The following BLMH variants were observed in gnomAD, a reference collection of about 807,000 sequenced individuals.
The protein encoded by BLMH is BLM hydrolase.
BLMH carries 32 observed loss-of-function variants against 61.6 expected under a neutral mutation model. That is an observed-to-expected ratio of 0.52 (90% CI 0.39 to 0.70). BLMH has a LOEUF of 0.70. Ranked by LOEUF, BLMH falls within the 30% of genes least tolerant of loss-of-function variation. The pLI, the probability that BLMH is intolerant of heterozygous loss-of-function variation, is 0.00. For synonymous variants in BLMH, 183 were observed against 193.8 expected (o/e 0.94, Z 0.46); for missense variants, 460 against 555.5 (o/e 0.83, Z 1.73).
At chr17:30,271,249 G>A in intron 10 of BLMH, 22 bp downstream of exon 10, 1 of 1,521,592 alleles carries the variant, frequency 6.6e-7, no homozygotes. Flanking sequence ...AAACACTCCA[G>A]CAGGCATGCT....
intron 6 of BLMH, among the ~76,000 whole-genome samples, chr17:30,276,205 C>T (rs1273020532): frequency 1.3e-5 from 2 of 152,136 alleles, no homozygotes; most frequent in African/African-American, 2.4e-5. Flanking sequence ...ATGTACTGAC[C>T]GTCTACTTTG....
At chr17:30,262,656 G>A (rs1043828031) in intron 11 of BLMH, among the ~76,000 whole-genome samples, 3 of 152,104 alleles carry the variant, frequency 2.0e-5, no homozygotes, top group Non-Finnish European at 4.4e-5. Flanking sequence ...TTAGCCAGGC[G>A]TGGTGGGGAG....
At chr17:30,249,825 C>T (rs1014511472) in intron 11 of BLMH, 12 of 152,428 alleles carry the variant, frequency 7.9e-5, no homozygotes, top group African/African-American at 2.9e-4. Context: ...AACTAGAAGA[C>T]TCAGACATCT....
At chr17:30,276,775 C>T (rs1345952560) in intron 6 of BLMH, among the ~76,000 whole-genome samples, 1 of 152,178 alleles carries the variant, frequency 6.6e-6, no homozygotes, top group Admixed American at 6.5e-5. Flanking sequence ...TAAAAACATA[C>T]ATATATACCC....
chr17:30,273,295 T>G, intron 7 of BLMH: 1 of 169,686 alleles, frequency 5.9e-6, no homozygotes, highest in Non-Finnish European at 1.3e-5. Context: ...GCCTCCCAAG[T>G]AGCTGGGATT....
At chr17:30,263,471 A>G (rs1908017515) in intron 11 of BLMH, among the ~76,000 whole-genome samples, 2 of 152,238 alleles carry the variant, frequency 1.3e-5, no homozygotes, top group Admixed American at 1.3e-4. Context: ...CAAAATGGAT[A>G]GTCAAGTATT....
At chr17:30,272,525 A>G (rs1224407970) in intron 9 of BLMH, 36 bp downstream of exon 9, 11 of 1,611,278 alleles carry the variant, frequency 6.8e-6, no homozygotes, top group Non-Finnish European at 9.3e-6. Context: ...GCAACAACCC[A>G]CAAATGACTT....
chr17:30,263,203 G>A (rs774818415), intron 11 of BLMH, among the ~76,000 whole-genome samples: 2 of 152,144 alleles, frequency 1.3e-5, no homozygotes, highest in Non-Finnish European at 2.9e-5. Context: ...CAGGCCATCT[G>A]GGTTATAATT....
intron 6 of BLMH, among the ~76,000 whole-genome samples, chr17:30,277,548 A>G (rs1184005567): frequency 6.6e-6 from 1 of 152,258 alleles, no homozygotes; most frequent in Non-Finnish European, 1.5e-5. Context: ...AACCATTTCA[A>G]TCAATTCTCA....
At chr17:30,255,903 AAG>A (rs923932954) in intron 11 of BLMH, among the ~76,000 whole-genome samples, 3 of 152,102 alleles carry the variant, frequency 2.0e-5, no homozygotes, top group African/African-American at 7.2e-5. Flanking sequence ...TCTCAAAAAA[AAG>A]AGAGAGAGAC....
At chr17:30,287,194 T>C (rs1179056226) in intron 4 of BLMH, among the ~76,000 whole-genome samples, 7 of 151,936 alleles carry the variant, frequency 4.6e-5, no homozygotes, top group Non-Finnish European at 8.8e-5. Context: ...GTGCAGCTAT[T>C]TGTTTTATTT....
At chr17:30,289,529 T>C (rs773117421) in intron 2 of BLMH, 47 bp from the exon 3 acceptor site, 1 of 1,315,652 alleles carries the variant, frequency 7.6e-7, no homozygotes, top group Non-Finnish European at 1.1e-6. Context: ...TCACATAGAC[T>C]GCACTGCTCC....
intron 6 of BLMH, among the ~76,000 whole-genome samples, chr17:30,279,236 G>T (rs909723113): frequency 6.6e-6 from 1 of 152,134 alleles, no homozygotes; most frequent in Non-Finnish European, 1.5e-5. Context: ...ACTGAGAAAG[G>T]TCCCCTAAAA....
intron 6 of BLMH, among the ~76,000 whole-genome samples, chr17:30,284,709 G>A (rs1269734432): frequency 2.0e-5 from 3 of 152,018 alleles, no homozygotes; most frequent in East Asian, 1.9e-4. Context: ...CAATAGCTCC[G>A]TCTTTATTTC....
intron 6 of BLMH, among the ~76,000 whole-genome samples, chr17:30,284,985 C>T (rs1259688630): frequency 2.0e-5 from 3 of 152,200 alleles, no homozygotes; most frequent in Non-Finnish European, 4.4e-5. Flanking sequence ...ACTCCCTCCT[C>T]TATGACCACC....
rs552944635 is a variant in BLMH at position 30,287,841 on chromosome 17, T to C, written c.428A>G (p.Asp143Gly). ...VQFLLMNPANDGGQWDMLVNI... is the reference protein window; with the variant it reads ...VQFLLMNPANGGGQWDMLVNI... ...AACAAGCATATCCCATTGGCCACCA[T>C]CATTTGCAGGGTTCATAAGCAAAAA... The change falls in exon 4 of 12, where the codon GAT becomes GGT. Residue 143 changes from aspartate to glycine, a missense_variant. Around this residue, in one of 5 missense-constraint regions of BLMH, gnomAD observed 14 missense variants for 38.5 expected, o/e 0.36. Coordinates refer to ENST00000261714, the MANE Select transcript of BLMH (RefSeq NM_000386.4). 6.2e-7 allele frequency: 1 copy of C among 1,614,148 alleles called. No homozygotes were observed. The highest frequency in any genetic ancestry group is 1.3e-5 in the African/African-American group (1 of 75,042).
intron 6 of BLMH, among the ~76,000 whole-genome samples, chr17:30,284,306 G>A (rs1256515440): frequency 2.0e-5 from 3 of 152,216 alleles, no homozygotes; most frequent in African/African-American, 7.2e-5. Flanking sequence ...TAAGGAACTT[G>A]TCCCAGGATA....
In BLMH at chr17:30,271,386, T is replaced by C; in HGVS notation, c.1031A>G (p.Tyr344Cys). 1 of 1,611,058 alleles carries C rather than the reference T, an allele frequency of 6.2e-7. No homozygotes were observed. Among genetic ancestry groups the C allele is most frequent in the Non-Finnish European group, 8.5e-7 (1 of 1,177,228 alleles). The change falls in exon 10 of 12, where the codon TAT becomes TGT. Residue 344 changes from tyrosine to cysteine, a missense_variant and splice_region_variant. Transcript: ENST00000261714. ...SKLGLSDMNL[Y>C]DHELVFGVSL... ...GACACCAAACACTAACTCATGGTCA[T>C]AGCTGTAAAAAGAATGATAGTACAA...
rs561721109 is a variant in BLMH at position 30,275,866 on chromosome 17, G to C, written c.646-1669C>G. On this transcript the variant is annotated intron_variant, in intron 6 of 11. Transcript: ENST00000261714. ...ACCCTGATCCAATCATCTATTACCTGCATTATTTATACTACACATTTCTAT... is the reference window on the plus strand; with the variant it reads ...ACCCTGATCCAATCATCTATTACCTCCATTATTTATACTACACATTTCTAT... Among the ~76,000 whole-genome samples the C allele has an allele frequency of 4.6e-5, 7 of 152,184 alleles. No homozygotes were observed. In the South Asian group the frequency reaches 1.5e-3, roughly 32 times the overall value.
Sources: allele counts gnomAD v4.1 joint callset (sites outside exome capture counted in the v4.1 genomes callset), GRCh38; gene constraint gnomAD v4.1.1; regional missense constraint gnomAD v4.1.1; transcripts MANE v1.5; gene names NCBI Gene and HGNC (gene_info 2026-07-23, HGNC 2026-07-21).